CTNNA2: variants seen among roughly 807,000 people sequenced by gnomAD.
CTNNA2 encodes catenin alpha-2.
Under a neutral mutation model 101.0 loss-of-function variants are expected in CTNNA2, and 42 were observed. That is an observed-to-expected ratio of 0.42 (90% CI 0.32 to 0.54). The LOEUF (loss-of-function observed/expected upper bound fraction) is 0.54, where lower values mean the gene tolerates loss of function less well. Among genes scored for constraint, CTNNA2 ranks in the 20% least tolerant of loss-of-function variants. The pLI, the probability that CTNNA2 is intolerant of heterozygous loss-of-function variation, is 0.14. For missense variants in CTNNA2, 871 were observed against 1,223.1 expected (o/e 0.71, Z 4.29); for synonymous variants, 450 against 456.4 (o/e 0.99, Z 0.18).
chr2:79,838,285 A>C (rs1370157819), intron 3 of CTNNA2, among the ~76,000 whole-genome samples: 1 of 152,144 alleles, frequency 6.6e-6, no homozygotes, highest in Non-Finnish European at 1.5e-5. Flanking sequence ...AGCTTTCTAC[A>C]CCTCAAAGAA....
At chr2:80,015,512 A>G (rs938947850) in intron 7 of CTNNA2, among the ~76,000 whole-genome samples, 1 of 152,028 alleles carries the variant, frequency 6.6e-6, no homozygotes, top group Non-Finnish European at 1.5e-5. Context: ...TCCATTATCC[A>G]TAGTTGAGGG....
At chr2:79,654,405 G>C (rs1399221222) in intron 2 of CTNNA2, among the ~76,000 whole-genome samples, 2 of 152,154 alleles carry the variant, frequency 1.3e-5, no homozygotes, top group Non-Finnish European at 2.9e-5. Context: ...TTCCTTGCCT[G>C]TTTCAGTGTC....
intron 4 of CTNNA2, among the ~76,000 whole-genome samples, chr2:79,425,243 T>C (rs994775351): frequency 6.6e-6 from 1 of 152,122 alleles, no homozygotes; most frequent in African/African-American, 2.4e-5. Context: ...CAAAGGCTAT[T>C]TAACCAGTAG....
intron 18 of CTNNA2, among the ~76,000 whole-genome samples, chr2:80,634,381 A>T (rs547031004): frequency 1.7e-4 from 26 of 152,238 alleles, no homozygotes; most frequent in Non-Finnish European, 3.2e-4. Context: ...GGTGGGGAAG[A>T]GTTTTCTAGG....
intron 3 of CTNNA2, among the ~76,000 whole-genome samples, chr2:79,338,364 G>C (rs753144642): frequency 1.3e-4 from 20 of 152,092 alleles, no homozygotes; most frequent in Admixed American, 3.3e-4. Flanking sequence ...ACTATTCACA[G>C]TGAGTCCAGT....
At chr2:79,370,409 G>T (rs1352039357) in intron 3 of CTNNA2, among the ~76,000 whole-genome samples, 3 of 152,184 alleles carry the variant, frequency 2.0e-5, no homozygotes, top group Admixed American at 1.3e-4. Context: ...CAAAACTCCT[G>T]AGTGAATATT....
chr2:79,621,828 G>A (rs1190920783), intron 1 of CTNNA2, among the ~76,000 whole-genome samples: 2 of 152,138 alleles, frequency 1.3e-5, no homozygotes, highest in Non-Finnish European at 2.9e-5. Flanking sequence ...ATGTGATGAT[G>A]AGAATGGCAC....
At chr2:79,228,716 G>T (rs1361314193) in intron 2 of CTNNA2, among the ~76,000 whole-genome samples, 2 of 151,434 alleles carry the variant, frequency 1.3e-5, no homozygotes, top group East Asian at 3.9e-4. Context: ...TTACTCTGTT[G>T]ATGCTTTTTT....
At chr2:79,549,796 G>T (rs1356087518) in intron 1 of CTNNA2, among the ~76,000 whole-genome samples, 1 of 151,992 alleles carries the variant, frequency 6.6e-6, no homozygotes, top group Non-Finnish European at 1.5e-5. Flanking sequence ...CACTACCCCT[G>T]GTTTCTTTAT....
chr2:80,201,906 A>G (rs1328791581), intron 7 of CTNNA2, among the ~76,000 whole-genome samples: 1 of 152,160 alleles, frequency 6.6e-6, no homozygotes. Flanking sequence ...TTTTGGAGAA[A>G]ACATTAATCT....
chr2:79,800,881 A>T (rs1222591968), intron 3 of CTNNA2, among the ~76,000 whole-genome samples: 1 of 152,202 alleles, frequency 6.6e-6, no homozygotes, highest in Non-Finnish European at 1.5e-5. Context: ...TGGATCATTT[A>T]GGTGTCATAG....
chr2:79,595,626 A>G (rs1029340022), intron 1 of CTNNA2, among the ~76,000 whole-genome samples: 3 of 152,084 alleles, frequency 2.0e-5, no homozygotes, highest in African/African-American at 7.2e-5. Context: ...TGATATCACT[A>G]TGCTTAAAAT....
At chr2:79,810,776 T>C (rs1330910214) in intron 3 of CTNNA2, among the ~76,000 whole-genome samples, 2 of 151,518 alleles carry the variant, frequency 1.3e-5, no homozygotes, top group East Asian at 1.9e-4. Flanking sequence ...GAACATGCAG[T>C]GTTTGGTTTT....
chr2:79,807,274 T>C (rs1676652304), intron 3 of CTNNA2, among the ~76,000 whole-genome samples: 1 of 152,206 alleles, frequency 6.6e-6, no homozygotes, highest in South Asian at 2.1e-4. Flanking sequence ...TCTTATCCCT[T>C]GTTTCCCAAA....
intron 2 of CTNNA2, among the ~76,000 whole-genome samples, chr2:79,741,342 A>C (rs1671272340): frequency 6.6e-6 from 1 of 152,098 alleles, no homozygotes; most frequent in African/African-American, 2.4e-5. Flanking sequence ...AACCGAACTG[A>C]ATGAGAGGAT....
chr2:80,078,900 C>A (rs535557326), intron 7 of CTNNA2, among the ~76,000 whole-genome samples: 8 of 152,228 alleles, frequency 5.3e-5, no homozygotes, highest in Non-Finnish European at 1.0e-4. Flanking sequence ...ACATGGTTTC[C>A]TTTTAGGTTT....
At chr2:80,589,169 C>T (rs570956916) in intron 14 of CTNNA2, 135 bp from the exon 15 acceptor site, 11 of 847,772 alleles carry the variant, frequency 1.3e-5, no homozygotes, top group South Asian at 1.1e-4. Flanking sequence ...TGGAGAAAGA[C>T]GTGCTTTCCG....
chr2:80,035,002 A>G (rs1311249881), intron 7 of CTNNA2, among the ~76,000 whole-genome samples: 1 of 152,232 alleles, frequency 6.6e-6, no homozygotes, highest in African/African-American at 2.4e-5. Context: ...TCTTTTAAAA[A>G]TAGCAAAAGG....
intron 7 of CTNNA2, among the ~76,000 whole-genome samples, chr2:80,149,762 G>C (rs1210937360): frequency 7.3e-6 from 1 of 137,378 alleles, no homozygotes; most frequent in Admixed American, 7.6e-5. Flanking sequence ...GGGAATACTC[G>C]ATTAGAATGG....
Sources: allele counts gnomAD v4.1 joint callset (sites outside exome capture counted in the v4.1 genomes callset), GRCh38; gene constraint gnomAD v4.1.1; transcripts MANE v1.5; gene names NCBI Gene and HGNC (gene_info 2026-07-23, HGNC 2026-07-21).